Variants in BPIFC observed in about 807,000 individuals in gnomAD.
The protein encoded by BPIFC is BPI fold containing family C.
Under a neutral mutation model 57.6 loss-of-function variants are expected in BPIFC, and 60 were observed. The ratio of observed to expected loss-of-function variants is 1.04; its 90% CI spans 0.85 to 1.29. The LOEUF (loss-of-function observed/expected upper bound fraction) is 1.29, where lower values mean the gene tolerates loss of function less well. BPIFC is among the 50% of genes most tolerant of loss of function. The pLI, the probability that BPIFC is intolerant of heterozygous loss-of-function variation, is 0.00. For synonymous variants in BPIFC, 243 were observed against 224.5 expected (o/e 1.08, Z -0.74); for missense variants, 581 against 600.5 (o/e 0.97, Z 0.34).
rs116284648 is a variant in BPIFC, at chr22:32,450,450, G to A, written c.245+2933C>T. On this transcript the variant is annotated intron_variant, in intron 4 of 16. Transcript: ENST00000300399. The stretch of plus-strand genomic sequence containing the variant: ...ATATTCCTGTTGTTAAGCAATGCAT[G>A]ACAGTAATTTAAAATCTTGTAGTAA... Among the ~76,000 whole-genome samples, 410 of 152,220 alleles carry A rather than the reference G, an allele frequency of 2.7e-3. 2 individuals carry two copies. Among genetic ancestry groups the A allele is most frequent in the African/African-American group, 9.2e-3 (384 of 41,524 alleles).
chr22:32,462,831 T>C (rs1935194237), intron 1 of BPIFC, among the ~76,000 whole-genome samples: 1 of 152,236 alleles, frequency 6.6e-6, no homozygotes, highest in African/African-American at 2.4e-5. Flanking sequence ...TTTGTTGTTG[T>C]TGTTTAAAAG....
chr22:32,416,263 A>T (rs1933674153), intron 15 of BPIFC, among the ~76,000 whole-genome samples: 1 of 151,994 alleles, frequency 6.6e-6, no homozygotes, highest in Admixed American at 6.6e-5. Context: ...TTGTATTTTT[A>T]GTAGAGACAG....
At chr22:32,457,485 C>T (rs1935064561) in intron 2 of BPIFC, 99 bp from the exon 3 acceptor site, 1 of 1,391,560 alleles carries the variant, frequency 7.2e-7, no homozygotes, top group African/African-American at 1.5e-5. Flanking sequence ...TTACTGTTTA[C>T]TTCCAGAACT....
chr22:32,434,110 ATTC>A (rs1354856301), intron 10 of BPIFC, among the ~76,000 whole-genome samples: 2 of 149,670 alleles, frequency 1.3e-5, no homozygotes, highest in Non-Finnish European at 3.0e-5. Flanking sequence ...ATATGTACAT[ATTC>A]TTTATTTTTA....
At chr22:32,424,597 TCTTCTC>T (rs1222235238) in intron 13 of BPIFC, among the ~76,000 whole-genome samples, 8 of 87,994 alleles carry the variant, frequency 9.1e-5, no homozygotes, top group African/African-American at 3.1e-4. Context: ...TTCTTCTTCT[TCTTCTC>T]CTCCTCCTCC....
At chr22:32,463,196 G>C (rs1935199772) in intron 1 of BPIFC, among the ~76,000 whole-genome samples, 1 of 152,190 alleles carries the variant, frequency 6.6e-6, no homozygotes, top group Non-Finnish European at 1.5e-5. Flanking sequence ...GAATTGTTCA[G>C]TTACGATGAT....
chr22:32,414,803 G>A (rs2145904848), intron 16 of BPIFC, among the ~76,000 whole-genome samples: 1 of 152,278 alleles, frequency 6.6e-6, no homozygotes, highest in East Asian at 1.9e-4. Flanking sequence ...CCAGCTGAGA[G>A]ATGGTTTCTT....
chr22:32,429,347 C>T (rs1052077781), intron 13 of BPIFC, among the ~76,000 whole-genome samples: 22 of 151,640 alleles, frequency 1.5e-4, no homozygotes, highest in African/African-American at 5.3e-4. Flanking sequence ...GCTGGAGCTA[C>T]AGGCGCCCGC....
rs765381094 is a variant in BPIFC at position 32,414,363 on chromosome 22, G to A, written c.1464C>T (p.Phe488=). 6.2e-7 allele frequency: 1 copy of A among 1,613,970 alleles called. No homozygotes were observed. ...TCAGGTTCAGACCTTCCCATACGTG[G>A]AAACTTGGCTGCTGCTTTGAGGATG... ...YETSSKQQPS[F]HVWEGLNLIS... is the part of the protein sequence containing the mutation. Residue 488 remains phenylalanine, a synonymous_variant, in exon 17 of 17, where the codon TTC becomes TTT. Coordinates refer to ENST00000300399, the MANE Select transcript of BPIFC (RefSeq NM_174932.3).
At chr22:32,424,753 C>CTCT (rs1556036707) in intron 13 of BPIFC, among the ~76,000 whole-genome samples, 755 of 35,406 alleles carry the variant, frequency 0.021, 111 homozygotes, top group East Asian at 0.041. Context: ...CTTCTTCTTC[C>CTCT]TCTTCTTCTT....
chr22:32,434,848 T>C (rs1009804690), intron 10 of BPIFC, among the ~76,000 whole-genome samples: 1 of 152,198 alleles, frequency 6.6e-6, no homozygotes, highest in African/African-American at 2.4e-5. Flanking sequence ...AGTTTTTGGT[T>C]GACTGGCTAG....
chr22:32,457,981 C>T (rs960159421), intron 2 of BPIFC, among the ~76,000 whole-genome samples: 1 of 152,208 alleles, frequency 6.6e-6, no homozygotes, highest in Non-Finnish European at 1.5e-5. Context: ...GGTCTCTCTG[C>T]TTCGGCCATT....
chr22:32,434,538 A>G (rs370078935), intron 10 of BPIFC, among the ~76,000 whole-genome samples: 5 of 151,216 alleles, frequency 3.3e-5, no homozygotes, highest in South Asian at 4.2e-4. Flanking sequence ...ATTACAATCT[A>G]TGTGTACATA....
chr22:32,436,424 AGG>A (rs1934404626), intron 9 of BPIFC, among the ~76,000 whole-genome samples: 1 of 150,166 alleles, frequency 6.7e-6, no homozygotes, highest in Non-Finnish European at 1.5e-5. Context: ...AAGAAGGAGA[AGG>A]AGAAGGAGAA....
chr22:32,419,775 C>T (rs1933784222), intron 13 of BPIFC, among the ~76,000 whole-genome samples: 1 of 143,272 alleles, frequency 7.0e-6, no homozygotes, highest in Non-Finnish European at 1.5e-5. Context: ...CACTGCACTC[C>T]AGCCTGGGTA....
chr22:32,431,768 T>A (rs1007964333), intron 12 of BPIFC, among the ~76,000 whole-genome samples: 1 of 152,198 alleles, frequency 6.6e-6, no homozygotes, highest in Non-Finnish European at 1.5e-5. Context: ...AAAAATGAAT[T>A]CTACCTTGAT....
chr22:32,458,690 T>C (rs1165069505), intron 2 of BPIFC, among the ~76,000 whole-genome samples: 1 of 152,252 alleles, frequency 6.6e-6, no homozygotes, highest in Non-Finnish European at 1.5e-5. Context: ...CATGTGTGCC[T>C]TATGGGTTCT....
chr22:32,416,565 G>A (rs1323455996), intron 15 of BPIFC, among the ~76,000 whole-genome samples: 2 of 152,128 alleles, frequency 1.3e-5, no homozygotes, highest in Non-Finnish European at 2.9e-5. Context: ...CCTACCCGAT[G>A]TATATTTTGA....
At position 32,460,314 on chromosome 22, in the gene BPIFC, G is replaced by A. The variant is rs538239752; in HGVS notation, c.-1+1260C>T. Among the ~76,000 whole-genome samples, 83 of 152,338 alleles carry A rather than the reference G, an allele frequency of 5.4e-4. 2 individuals are homozygous for A. In the South Asian group the frequency reaches 9.5e-3, roughly 18 times the overall value. ...CAGTGTACGCAGCTGGGTGGGAGGT[G>A]GAAGGGCTATCCTATGTATCCATTG... On this transcript the variant is annotated intron_variant, in intron 2 of 16. Coordinates refer to ENST00000300399, the MANE Select transcript of BPIFC (RefSeq NM_174932.3).
Sources: allele counts gnomAD v4.1 joint callset (sites outside exome capture counted in the v4.1 genomes callset), GRCh38; gene constraint gnomAD v4.1.1; transcripts MANE v1.5; gene names NCBI Gene and HGNC (gene_info 2026-07-23, HGNC 2026-07-21).